The following FBN2 variants were observed in gnomAD, a reference collection of about 807,000 sequenced individuals.
FBN2 encodes fibrillin-2.
Under a neutral mutation model 355.6 loss-of-function variants are expected in FBN2, and 105 were observed. That is an observed-to-expected ratio of 0.30 (90% CI 0.25 to 0.35). The LOEUF is 0.35. Ranked by LOEUF, FBN2 falls within the 10% of genes least tolerant of loss-of-function variation. The pLI is 1.00. For synonymous variants in FBN2, 1,350 were observed against 1,301.2 expected, an observed-to-expected ratio of 1.04 and a Z score of -0.81; for missense variants, 3,280 against 3,758.7, an observed-to-expected ratio of 0.87 and a Z score of 3.33.
chr5:128,348,980 T>C (rs1751269234), intron 23 of FBN2, among the ~76,000 whole-genome samples: 1 of 152,132 alleles, frequency 6.6e-6, no homozygotes, highest in African/African-American at 2.4e-5. Context: ...GTCTTCAGGG[T>C]GTAGCTGCAA....
chr5:128,487,266 A>G (rs1221711212), intron 5 of FBN2, among the ~76,000 whole-genome samples: 1 of 152,214 alleles, frequency 6.6e-6, no homozygotes, highest in Non-Finnish European at 1.5e-5. Context: ...TATGATGACC[A>G]AAGTTCCCCT....
chr5:128,510,988 T>C (rs978626154), intron 5 of FBN2, among the ~76,000 whole-genome samples: 2 of 152,188 alleles, frequency 1.3e-5, no homozygotes, highest in East Asian at 1.9e-4. Flanking sequence ...CATTTTTTTA[T>C]TCATGGTGTT....
chr5:128,529,675 T>C (rs1203502877), intron 3 of FBN2, among the ~76,000 whole-genome samples: 1 of 152,198 alleles, frequency 6.6e-6, no homozygotes, highest in Admixed American at 6.5e-5. Flanking sequence ...AGGAACAGGA[T>C]AATGAACATA....
chr5:128,523,466 A>T (rs1280340268), intron 4 of FBN2, among the ~76,000 whole-genome samples: 4 of 152,126 alleles, frequency 2.6e-5, no homozygotes, highest in African/African-American at 9.7e-5. Flanking sequence ...AGCTACAACA[A>T]CTTCCTAATG....
intron 34 of FBN2, among the ~76,000 whole-genome samples, chr5:128,323,568 G>C (rs468045): frequency 0.49 from 73,925 of 151,960 alleles, 18,611 homozygotes; most frequent in East Asian, 0.8. Context: ...TTTGTCATTG[G>C]TTCTGTTTAT....
chr5:128,422,258 C>T (rs1195483947), intron 7 of FBN2, among the ~76,000 whole-genome samples: 1 of 152,046 alleles, frequency 6.6e-6, no homozygotes, highest in African/African-American at 2.4e-5. Flanking sequence ...CAAAAAGAAA[C>T]TAGTATGTTG....
chr5:128,294,512 T>A (rs1186087117), intron 48 of FBN2, among the ~76,000 whole-genome samples: 1 of 151,622 alleles, frequency 6.6e-6, no homozygotes, highest in African/African-American at 2.4e-5. Context: ...GTTTCCTGAC[T>A]TTTTAATGAT....
In FBN2 at chr5:128,519,356, T is replaced by C; in HGVS notation, c.545A>G (p.Asn182Ser). Reference sequence around the variant, plus strand: ...GCAACGTCCACCATTCTGACATCCATTTTCACAGACAGCTGCATACAAAAA... The same window carrying C: ...GCAACGTCCACCATTCTGACATCCACTTTCACAGACAGCTGCATACAAAAA... The part of the protein sequence containing the change: ...GTYCGQPVCE[N>S]GCQNGGRCIG... Residue 182 changes from asparagine (N) to serine (S), a missense_variant, in exon 5 of 65, where the codon AAT becomes AGT. Transcript: ENST00000262464. The C allele has an allele frequency of 6.2e-7, 1 of 1,613,790 alleles. No individual in the cohort carries two copies. Among genetic ancestry groups the C allele is most frequent in the South Asian group, 1.1e-5 (1 of 91,070 alleles).
At chr5:128,359,813 T>G (rs180726958) in intron 19 of FBN2, among the ~76,000 whole-genome samples, 1 of 152,086 alleles carries the variant, frequency 6.6e-6, no homozygotes, top group Non-Finnish European at 1.5e-5. Context: ...TAACTGTTCA[T>G]GTAAGCAGGT....
chr5:128,343,359 G>C (rs531352283), intron 25 of FBN2, among the ~76,000 whole-genome samples: 2 of 152,310 alleles, frequency 1.3e-5, no homozygotes, highest in African/African-American at 4.8e-5. Flanking sequence ...CACAGGGCTT[G>C]AGCAGACTTC....
intron 61 of FBN2, 74 bp from the exon 62 acceptor site, chr5:128,272,192 C>T (rs757004950): frequency 4.0e-5 from 61 of 1,529,122 alleles, no homozygotes; most frequent in Non-Finnish European, 5.2e-5. Context: ...CAAACGAAAC[C>T]TGGGGTAACT....
intron 39 of FBN2, among the ~76,000 whole-genome samples, chr5:128,310,396 ATATATATTT>A (rs1444646332): frequency 0.02 from 358 of 18,114 alleles, 3 homozygotes; most frequent in Admixed American, 0.15. Context: ...ATATATATAT[ATATATATTT>A]TTTTTTTTTT....
chr5:128,291,843 C>T (rs1054917355), intron 48 of FBN2, among the ~76,000 whole-genome samples, 189 bp from the exon 49 acceptor site: 1 of 152,060 alleles, frequency 6.6e-6, no homozygotes, highest in African/African-American at 2.4e-5. Flanking sequence ...AACCATGTGC[C>T]AGAGAGTCCC....
In FBN2 at chr5:128,393,318, C is replaced by T. The variant is rs1287527800; in HGVS notation, c.1282G>A (p.Gly428Arg). The change falls in exon 10 of 65, where the codon GGG becomes AGG. Residue 428 changes from glycine (G) to arginine (R), a missense_variant. Physicochemically the swap from Gly to Arg is moderately radical, Grantham distance 125 (BLOSUM62 -2). Around this residue, in one of 6 missense-constraint regions of FBN2, gnomAD observed 343 missense variants for 331.0 expected, o/e 1.04. Transcript: ENST00000262464. ...CCTCCAGGTCTGGAACCAGCACTCC[C>T]TGGAATTCCTCCCATTGGAAGTCCA... ...MDGLPMGGIP[G>R]SAGSRPGGTG... The T allele has an allele frequency of 3.1e-6, 5 of 1,614,086 alleles. No individual in the cohort carries two copies. Among genetic ancestry groups the T allele is most frequent in the Non-Finnish European group, 4.2e-6 (5 of 1,180,038 alleles).
At position 128,335,941 on chromosome 5, in the gene FBN2, G is replaced by T. The variant is rs763473498; in HGVS notation, c.3724+47C>A. The stretch of plus-strand genomic sequence containing the variant: ...AATTCAGCGCCAAAAGTTTTCCTAG[G>T]CTGATTTGAGACATATGAGTTTCAG... On this transcript the variant is annotated intron_variant, in intron 28 of 64. Coordinates refer to ENST00000262464, the MANE Select transcript of FBN2 (RefSeq NM_001999.4). 4.4e-6 allele frequency: 7 copies of T among 1,607,318 alleles called. No homozygotes were observed. The Admixed American group carries it at 8.4e-5, about 19-fold the overall frequency.
intron 11 of FBN2, among the ~76,000 whole-genome samples, chr5:128,380,821 T>C (rs2126962547): frequency 6.6e-6 from 1 of 152,222 alleles, no homozygotes. Flanking sequence ...AGAGACCATG[T>C]TCGTTTTGTC....
chr5:128,508,450 C>A (rs1323950867), intron 5 of FBN2, among the ~76,000 whole-genome samples: 1 of 151,914 alleles, frequency 6.6e-6, no homozygotes, highest in Admixed American at 6.6e-5. Flanking sequence ...TTACACCACA[C>A]ATCTTTAACT....
chr5:128,440,102 C>A (rs961310856), intron 7 of FBN2, among the ~76,000 whole-genome samples: 1 of 152,084 alleles, frequency 6.6e-6, no homozygotes, highest in African/African-American at 2.4e-5. Context: ...CATGCTAGTA[C>A]CATAGTAATT....
intron 36 of FBN2, among the ~76,000 whole-genome samples, chr5:128,315,834 C>G (rs927055983): frequency 2.0e-5 from 3 of 152,124 alleles, no homozygotes; most frequent in Non-Finnish European, 4.4e-5. Flanking sequence ...ACTGTATTTC[C>G]TTTGTCTACG....
Sources: allele counts gnomAD v4.1 joint callset (sites outside exome capture counted in the v4.1 genomes callset), GRCh38; gene constraint gnomAD v4.1.1; regional missense constraint gnomAD v4.1.1; transcripts MANE v1.5; gene names NCBI Gene and HGNC (gene_info 2026-07-23, HGNC 2026-07-21).